Variants in PLEC observed in about 807,000 individuals in gnomAD.
The protein encoded by PLEC is hemidesmosomal protein 1.
PLEC carries 216 observed loss-of-function variants against 392.8 expected under a neutral mutation model. The observed-to-expected ratio is 0.55, with a 90% CI of 0.49 to 0.62. The LOEUF is 0.62. Ranked by LOEUF, PLEC falls within the 20% of genes least tolerant of loss-of-function variation. The pLI, the probability that PLEC is intolerant of heterozygous loss-of-function variation, is 0.00. For synonymous variants in PLEC, 3,621 were observed against 2,980.6 expected, an observed-to-expected ratio of 1.21 and a Z score of -7.00; for missense variants, 6,863 against 6,563.4, an observed-to-expected ratio of 1.05 and a Z score of -1.58.
intron 5 of PLEC, 138 bp downstream of exon 5, chr8:143,936,841 G>A: frequency 1.4e-6 from 1 of 704,462 alleles, no homozygotes; most frequent in Non-Finnish European, 2.5e-6. Flanking sequence ...AAGGCACCCA[G>A]GTGCCACCAT....
At chr8:143,929,304 C>A in intron 24 of PLEC, 23 bp from the exon 25 acceptor site, 1 of 1,598,112 alleles carries the variant, frequency 6.3e-7, no homozygotes, top group Non-Finnish European at 8.5e-7. Flanking sequence ...GGAGTGGGAA[C>A]GCACTCATCA....
chr8:143,962,691 A>G (rs561969705), intron 1 of PLEC, among the ~76,000 whole-genome samples: 2 of 152,354 alleles, frequency 1.3e-5, no homozygotes, highest in East Asian at 1.9e-4. Flanking sequence ...TGCTTCTCAC[A>G]TTGAAGCGAA....
exon 1 of PLEC, chr8:143,950,844 A>G (rs1832072989): frequency 8.8e-6 from 13 of 1,473,722 alleles, no homozygotes; most frequent in Non-Finnish European, 1.2e-5. Context: ...GCGGGCAGGC[A>G]GGCTGGGGTG....
chr8:143,918,100 C>G lies in PLEC; in HGVS notation c.11721G>C (p.Thr3907=). 6.3e-7 allele frequency: 1 copy of G among 1,596,414 alleles called. No individual in the cohort carries two copies. Among genetic ancestry groups the G allele is most frequent in the South Asian group, 1.1e-5 (1 of 89,924 alleles). The stretch of plus-strand genomic sequence containing the variant: ...TCAGGCCCTCCCGCAGCTGCAGCGC[C>G]GTGGCCTCGTCCATGACCTGCGAGC... ...LVRSQVMDEA[T]ALQLREGLTS... is the part of the protein sequence containing the mutation. The change falls in exon 32 of 32, where the codon ACG becomes ACC. Residue 3907 remains threonine, a synonymous_variant. Coordinates refer to ENST00000345136, the MANE Select transcript of PLEC (RefSeq NM_201384.3).
rs1554694218 is a variant in PLEC, at chr8:143,923,791, C to T, written c.6138G>A (p.Arg2046=). Residue 2046 remains arginine (R), a synonymous_variant, in exon 31 of 32, where the codon CGG becomes CGA. Transcript: ENST00000345136. The part of the protein sequence containing the change: ...LQLAQEAAQK[R]LQAEEKAHAF... The stretch of plus-strand genomic sequence containing the variant: ...CGTGTGCCTTCTCTTCCGCCTGCAG[C>T]CGCTTCTGGGCGGCCTCCTGGGCCA... The T allele has an allele frequency of 6.3e-7, 1 of 1,577,380 alleles. No individual in the cohort carries two copies. Among genetic ancestry groups the T allele is most frequent in the Admixed American group, 1.7e-5 (1 of 57,430 alleles).
rs781799849 is a variant in PLEC at position 143,916,565 on chromosome 8, G to A, written c.13256C>T (p.Ala4419Val). 3 of 1,611,648 alleles carry A rather than the reference G, an allele frequency of 1.9e-6. No homozygotes were observed. The highest frequency in any genetic ancestry group is 1.1e-5 in the South Asian group (1 of 91,078). Reference protein sequence around the residue: ...DEALQRGTVDARTAQKLRDVG... With the variant: ...DEALQRGTVDVRTAQKLRDVG... ...GTCACGCAGCTTCTGTGCGGTGCGG[G>A]CGTCCACCGTGCCGCGCTGCAGGGC... Residue 4419 changes from alanine (A) to valine (V), a missense_variant, in exon 32 of 32, where the codon GCC (alanine) becomes GTC (valine). Coordinates refer to ENST00000345136, the MANE Select transcript of PLEC (RefSeq NM_201384.3).
At chr8:143,949,627 G>A (rs550878779) in intron 1 of PLEC, among the ~76,000 whole-genome samples, 5 of 152,276 alleles carry the variant, frequency 3.3e-5, no homozygotes, top group East Asian at 3.9e-4. Context: ...TGGACCCTGC[G>A]CTTCTCCCCA....
chr8:143,973,601 A>G, upstream of PLEC: 2 of 906,274 alleles, frequency 2.2e-6, no homozygotes, highest in Non-Finnish European at 2.6e-6. This position sits in a 1 kb window ranked among gnomAD's most constrained non-coding sequence, Gnocchi z 5.6. Flanking sequence ...CGCACCCAGG[A>G]TGCCCCACGG....
intron 24 of PLEC, 31 bp from the exon 25 acceptor site, chr8:143,929,312 T>C: frequency 6.3e-7 from 1 of 1,592,304 alleles, no homozygotes; most frequent in Non-Finnish European, 8.5e-7. Flanking sequence ...AACGCACTCA[T>C]CACCGAGCGC....
At chr8:143,943,997 G>A, upstream of PLEC, 3 of 1,520,010 alleles carry the variant, frequency 2.0e-6, no homozygotes, top group Non-Finnish European at 2.6e-6. Context: ...GGGAGCGCCG[G>A]GACCGGAGCC....
intron 30 of PLEC, among the ~76,000 whole-genome samples, chr8:143,926,101 A>C (rs922038391): frequency 1.3e-5 from 2 of 152,228 alleles, no homozygotes; most frequent in African/African-American, 4.8e-5. Flanking sequence ...CTGGGGAAGG[A>C]GGCCCAGGCG....
At chr8:143,959,122 C>T (rs1041378464) in intron 1 of PLEC, among the ~76,000 whole-genome samples, 2 of 152,154 alleles carry the variant, frequency 1.3e-5, no homozygotes, top group South Asian at 2.1e-4. Flanking sequence ...GAGGGGAGGG[C>T]GTGTGAGGGT....
chr8:143,916,987 G>A lies in PLEC; in HGVS notation c.12834C>T (p.Gly4278=), dbSNP rs1820777094. 14 of 1,612,876 alleles carry A rather than the reference G, an allele frequency of 8.7e-6. No homozygotes were observed. Among genetic ancestry groups the A allele is most frequent in the Non-Finnish European group, 1.2e-5 (14 of 1,179,990 alleles). ...CCGTGTCCAGGATGCCAGCCACGGG[G>A]CCCGTCTCCTCAGTGGGGTCTGACC... ...ASWSDPTEET[G]PVAGILDTET... The change falls in exon 32 of 32, where the codon GGC becomes GGT. Residue 4278 remains glycine, a synonymous_variant. Coordinates refer to ENST00000345136, the MANE Select transcript of PLEC (RefSeq NM_201384.3).
chr8:143,938,104 C>T (rs1554724947), intron 3 of PLEC, 47 bp downstream of exon 3: 2 of 1,415,142 alleles, frequency 1.4e-6, no homozygotes, highest in Non-Finnish European at 2.0e-6. Context: ...AGGCAGAGGT[C>T]TCCAGGTGGG....
In PLEC at chr8:143,919,861, G is replaced by C; in HGVS notation, c.9960C>G (p.Ser3320=). 2 of 1,613,110 alleles carry C rather than the reference G, an allele frequency of 1.2e-6. No homozygotes were observed. The highest frequency in any genetic ancestry group is 1.7e-6 in the Non-Finnish European group (2 of 1,180,012). Reference sequence around the variant, plus strand: ...CAAACTGGGCTCTGCTGAGGACCCCGGAAGCCAGGAGCTCGCTGGCTGGCA... The same window carrying C: ...CAAACTGGGCTCTGCTGAGGACCCCCGAAGCCAGGAGCTCGCTGGCTGGCA... ...APVPASELLA[S]GVLSRAQFEQ... The change falls in exon 32 of 32, where the codon TCC becomes TCG. Residue 3320 remains serine (S), a synonymous_variant. Coordinates refer to ENST00000345136, the MANE Select transcript of PLEC (RefSeq NM_201384.3).
At chr8:143,975,191 A>G, upstream of PLEC, 1 of 1,600,204 alleles carries the variant, frequency 6.2e-7, no homozygotes, top group South Asian at 1.1e-5. This position sits in a 1 kb window ranked among gnomAD's most constrained non-coding sequence, Gnocchi z 9.9. Context: ...GATGCGAATG[A>G]CCGCCCGCTC....
At chr8:143,953,704 G>C (rs61467040), upstream of PLEC, 13,332 of 1,607,166 alleles carry the variant, frequency 8.3e-3, 992 homozygotes, top group African/African-American at 0.16. Context: ...CCCCCGGCTC[G>C]GGCCCGGCCC....
In PLEC at chr8:143,918,540, G is replaced by A. The variant is rs1554675604; in HGVS notation, c.11281C>T (p.Leu3761=). 1.2e-6 allele frequency: 2 copies of A among 1,610,216 alleles called. No homozygotes were observed. The highest frequency in any genetic ancestry group is 1.7e-6 in the Non-Finnish European group (2 of 1,179,206). ...GLVGPELHDR[L]LSAERAVTGY... is the part of the protein sequence containing the mutation. ...GTGACCGCCCGCTCAGCCGAGAGCA[G>A]GCGGTCGTGCAGCTCGGGCCCCACG... Residue 3761 remains leucine, a synonymous_variant, in exon 32 of 32, where the codon CTG becomes TTG. Transcript: ENST00000345136.
intron 1 of PLEC, among the ~76,000 whole-genome samples, chr8:143,949,972 C>T (rs1357959617): frequency 6.6e-6 from 1 of 152,134 alleles, no homozygotes; most frequent in Non-Finnish European, 1.5e-5. Flanking sequence ...CCTACACACC[C>T]GAAGGTCCCC....
Sources: allele counts gnomAD v4.1 joint callset (sites outside exome capture counted in the v4.1 genomes callset), GRCh38; gene constraint gnomAD v4.1.1; non-coding constraint Gnocchi (gnomAD v3.1); transcripts MANE v1.5; gene names NCBI Gene and HGNC (gene_info 2026-07-23, HGNC 2026-07-21).